TNIP1: variants seen among roughly 807,000 people sequenced by gnomAD.
TNIP1 encodes TNFAIP3 interacting protein 1.
Under a neutral mutation model 86.6 loss-of-function variants are expected in TNIP1, and 22 were observed. That is an observed-to-expected ratio of 0.25 (90% CI 0.18 to 0.36). TNIP1 has a LOEUF of 0.36. TNIP1 is among the 10% of genes least tolerant of loss of function. The pLI is 1.00. For missense variants in TNIP1, 709 were observed against 820.6 expected, an observed-to-expected ratio of 0.86 and a Z score of 1.66; for synonymous variants, 294 against 313.0, an observed-to-expected ratio of 0.94 and a Z score of 0.64.
At chr5:151,063,827 G>C in intron 2 of TNIP1, 80 bp from the exon 3 acceptor site, 2 of 1,545,962 alleles carry the variant, frequency 1.3e-6, no homozygotes, top group South Asian at 1.2e-5. Flanking sequence ...GCCCCTAACC[G>C]TGCTGCCGCC....
At chr5:151,036,738 G>C (rs1268036073) in intron 13 of TNIP1, 52 bp downstream of exon 13, 1 of 1,612,414 alleles carries the variant, frequency 6.2e-7, no homozygotes, top group Non-Finnish European at 8.5e-7. Context: ...CCTCAGGAAA[G>C]CTCCAGCTCC....
chr5:151,076,524 G>A (rs1170314520), intron 1 of TNIP1, among the ~76,000 whole-genome samples: 9 of 152,308 alleles, frequency 5.9e-5, no homozygotes, highest in Non-Finnish European at 8.8e-5. Flanking sequence ...CTAAAGCTGG[G>A]AAACCAAAGT....
rs377040520 is a variant in TNIP1, at chr5:151,056,757, G to A, written c.627+9C>T. 16 of 1,478,230 alleles carry A rather than the reference G, an allele frequency of 1.1e-5. No homozygotes were observed. Among genetic ancestry groups the A allele is most frequent in the South Asian group, 2.7e-5 (2 of 74,828 alleles). 91.6% of individuals were successfully genotyped at this position (1,478,230 alleles called of 1,614,324 possible). ...GCCTGTCTCGGGCTGCCCTCCCCAC[G>A]CGCCTCACCTGCAGAATGGAGGTGC... On this transcript the variant is annotated intron_variant, in intron 6 of 17. Coordinates refer to ENST00000521591, the MANE Select transcript of TNIP1 (RefSeq NM_006058.5).
chr5:151,050,561 T>C (rs1759775605), intron 7 of TNIP1, among the ~76,000 whole-genome samples: 1 of 152,374 alleles, frequency 6.6e-6, no homozygotes, highest in East Asian at 1.9e-4. Context: ...AGTAAAATTC[T>C]AAGTAACTAA....
Position 151,036,799 on chromosome 5 carries a change from C to T in TNIP1, c.1386G>A (p.Leu462=), listed in dbSNP as rs752752849. 2 of 1,614,076 alleles carry T rather than the reference C, an allele frequency of 1.2e-6. No individual in the cohort carries two copies. Among genetic ancestry groups the T allele is most frequent in the Admixed American group, 1.7e-5 (1 of 60,016 alleles). The change falls in exon 13 of 18, where the codon CTG becomes CTA. Residue 462 remains leucine, a synonymous_variant. Transcript: ENST00000521591. The part of the protein sequence containing the change: ...KQELVTQNEL[L]KQQVKIFEED... ...CTCCCGGAAGCCTCACCTGCTGTTT[C>T]AGCAACTCATTCTGCGTGACCAGCT...
At chr5:151,038,108 A>G (rs1757946417) in intron 12 of TNIP1, among the ~76,000 whole-genome samples, 1 of 152,156 alleles carries the variant, frequency 6.6e-6, no homozygotes, top group Non-Finnish European at 1.5e-5. Context: ...CAAGTCCCCC[A>G]GCTCAGGACA....
rs1330957741 is a variant in TNIP1, at chr5:151,080,974, C to T, written c.-131G>A. The T allele has an allele frequency of 4.6e-5, 7 of 152,132 alleles. No individual in the cohort carries two copies. The East Asian group carries it at 9.7e-4, about 21-fold the overall frequency. 9.4% of individuals were successfully genotyped at this position (152,132 alleles called of 1,614,324 possible). A position where few individuals can be genotyped will look rare whatever the true frequency, so the allele number is the denominator to read the frequency against. Reference sequence around the variant, plus strand: ...AGCGGCCCGGGCAAGGCTCCGGCCCCCCGTAGCACTCCTAGGGCTCCTGGA... The same window carrying T: ...AGCGGCCCGGGCAAGGCTCCGGCCCTCCGTAGCACTCCTAGGGCTCCTGGA... On this transcript the variant is annotated 5_prime_UTR_variant, in exon 1 of 18. Transcript: ENST00000521591.
upstream of TNIP1, among the ~76,000 whole-genome samples, chr5:151,083,224 T>C (rs556438139): frequency 1.3e-5 from 2 of 152,202 alleles, no homozygotes; most frequent in South Asian, 4.1e-4. Flanking sequence ...GTCTGGAAAA[T>C]GGGGGATAAT....
Position 151,070,153 on chromosome 5 carries a change from GA to G in TNIP1, c.-36-5023del, listed in dbSNP as rs567467667. On this transcript the variant is annotated intron_variant, in intron 1 of 17. Coordinates refer to ENST00000521591, the MANE Select transcript of TNIP1 (RefSeq NM_006058.5). The stretch of plus-strand genomic sequence containing the variant: ...GCAGGAGTAATAATAGAACCTACCT[GA>G]TAGAAGATCAAAGAAATTAAATGAA... Among the ~76,000 whole-genome samples, 11 of 152,308 alleles carry G rather than the reference GA, an allele frequency of 7.2e-5. No homozygotes were observed. In the South Asian group the frequency reaches 2.3e-3, roughly 32 times the overall value.
chr5:151,064,826 C>T (rs1284388200), intron 2 of TNIP1, 134 bp downstream of exon 2: 11 of 1,297,974 alleles, frequency 8.5e-6, no homozygotes, highest in Middle Eastern at 2.2e-4. Flanking sequence ...CAGGAGCCAG[C>T]GCTGGGCCAG....
intron 1 of TNIP1, among the ~76,000 whole-genome samples, chr5:151,077,575 A>C (rs1763528822): frequency 6.6e-6 from 1 of 152,232 alleles, no homozygotes. Flanking sequence ...GCAGAGGCCC[A>C]GAGTGACAGA....
At chr5:151,037,983 A>G (rs1757931426) in intron 12 of TNIP1, among the ~76,000 whole-genome samples, 1 of 152,266 alleles carries the variant, frequency 6.6e-6, no homozygotes, top group South Asian at 2.1e-4. Flanking sequence ...AAAGAAGGCC[A>G]CATGCCCTGC....
chr5:151,046,821 C>A (rs1490647352), intron 8 of TNIP1, among the ~76,000 whole-genome samples: 1 of 152,264 alleles, frequency 6.6e-6, no homozygotes, highest in East Asian at 1.9e-4. Flanking sequence ...GAAATAAATA[C>A]TCTTGAGTTC....
chr5:151,062,269 C>T, intron 3 of TNIP1, 57 bp from the exon 4 acceptor site: 2 of 1,522,976 alleles, frequency 1.3e-6, no homozygotes, highest in Non-Finnish European at 1.8e-6. Flanking sequence ...GCCCAGGTAC[C>T]ACCCTCTCAA....
At chr5:151,073,823 C>T (rs73272841) in intron 1 of TNIP1, among the ~76,000 whole-genome samples, 19,445 of 151,974 alleles carry the variant, frequency 0.13, 1,305 homozygotes, top group African/African-American at 0.18. Context: ...TCACTTGAGC[C>T]CAGCAGTTCA....
intron 1 of TNIP1, among the ~76,000 whole-genome samples, chr5:151,073,104 C>A (rs914843161): frequency 6.6e-6 from 1 of 151,960 alleles, no homozygotes; most frequent in Non-Finnish European, 1.5e-5. Flanking sequence ...TGCCTGTAGT[C>A]CCAGCTACTG....
chr5:151,052,963 G>A (rs1760145303), intron 6 of TNIP1, among the ~76,000 whole-genome samples: 1 of 152,152 alleles, frequency 6.6e-6, no homozygotes, highest in South Asian at 2.1e-4. Context: ...CAATTTGCAG[G>A]TGTGAGAGGT....
rs200784594 is a variant in TNIP1 at position 151,056,756 on chromosome 5, C to T, written c.627+10G>A. ...TGCCTGTCTCGGGCTGCCCTCCCCA[C>T]GCGCCTCACCTGCAGAATGGAGGTG... On this transcript the variant is annotated intron_variant, in intron 6 of 17. Coordinates refer to ENST00000521591, the MANE Select transcript of TNIP1 (RefSeq NM_006058.5). The T allele has an allele frequency of 1.6e-5, 24 of 1,476,364 alleles. No individual in the cohort carries two copies. In the African/African-American group the frequency reaches 1.9e-4, roughly 12 times the overall value. 91.5% of individuals were successfully genotyped at this position (1,476,364 alleles called of 1,614,324 possible).
upstream of TNIP1, among the ~76,000 whole-genome samples, chr5:151,083,639 CTTTGT>C (rs994926222): frequency 1.3e-5 from 2 of 152,184 alleles, no homozygotes; most frequent in African/African-American, 4.8e-5. Context: ...ATCAAACTGC[CTTTGT>C]TTTGTTTTGT....
Sources: gnomAD v4.1 joint callset for allele counts (sites outside exome capture counted in the v4.1 genomes callset) on GRCh38, gnomAD v4.1.1 for gene constraint, MANE v1.5 for transcripts, NCBI Gene and HGNC (gene_info 2026-07-23, HGNC 2026-07-21) for gene names.